MYRF: variants seen among roughly 807,000 people sequenced by gnomAD.
The protein encoded by MYRF is myelin regulatory factor.
A neutral mutation model predicts 126.3 loss-of-function variants in MYRF; 16 were observed. The ratio of observed to expected loss-of-function variants is 0.13; its 90% confidence interval spans 0.09 to 0.19. The LOEUF (loss-of-function observed/expected upper bound fraction) is 0.19, where lower values mean the gene tolerates loss of function less well. Ranked by LOEUF, MYRF falls within the 10% of genes least tolerant of loss-of-function variation. The pLI is 1.00. For missense variants in MYRF, 1,104 were observed against 1,547.0 expected (o/e 0.71, Z 4.80); for synonymous variants, 608 against 635.3 (o/e 0.96, Z 0.65).
At chr11:61,781,952 G>C in intron 22 of MYRF, 128 bp downstream of exon 22, 1 of 1,196,506 alleles carries the variant, frequency 8.4e-7, no homozygotes, top group Middle Eastern at 2.9e-4. Flanking sequence ...GCTGAGCACA[G>C]AATAAGGATC....
At position 61,778,852 on chromosome 11, in the gene MYRF, C is replaced by T. The variant is rs890643999; in HGVS notation, c.2013+363C>T. ...TTGTGAGGACGACGTTTGTCACTTA[C>T]CTGTCCTGAGTCTGGGCGCCAAGGA... On this transcript the variant is annotated intron_variant, in intron 14 of 26. Coordinates refer to ENST00000278836, the MANE Select transcript of MYRF (RefSeq NM_001127392.3). This position sits in a 1 kb window ranked among gnomAD's most constrained non-coding sequence, Gnocchi z 4.6. 3.7e-6 allele frequency: 2 copies of T among 547,260 alleles called. No homozygotes were observed. The highest frequency in any genetic ancestry group is 7.0e-6 in the Non-Finnish European group (2 of 286,214). The allele number at this position is 547,260 out of a possible 1,614,324, so 33.9% of individuals were successfully genotyped here. A position where few individuals can be genotyped will look rare whatever the true frequency, so the allele number is the denominator to read the frequency against.
Position 61,778,335 on chromosome 11 carries a change from C to A in MYRF, c.1904-45C>A. 7.5e-7 allele frequency: 1 copy of A among 1,336,266 alleles called. No individual in the cohort carries two copies. The highest frequency in any genetic ancestry group is 1.1e-6 in the Non-Finnish European group (1 of 927,578). The allele number at this position is 1,336,266 out of a possible 1,614,324, so 82.8% of individuals were successfully genotyped here. A position where few individuals can be genotyped will look rare whatever the true frequency, so the allele number is the denominator to read the frequency against. ...GTACATTACAAAGCTGTGAGTAGCC[C>A]TTTACCACCCCCCCACCCATCTTTG... is the stretch of plus-strand genomic sequence containing the variant. On this transcript the variant is annotated intron_variant, in intron 13 of 26. Coordinates refer to ENST00000278836, the MANE Select transcript of MYRF (RefSeq NM_001127392.3). This position sits in a 1 kb window ranked among gnomAD's most constrained non-coding sequence, Gnocchi z 4.6.
chr11:61,775,290 C>T (rs1184108783), intron 8 of MYRF, among the ~76,000 whole-genome samples: 1 of 152,182 alleles, frequency 6.6e-6, no homozygotes, highest in Non-Finnish European at 1.5e-5. Flanking sequence ...GGGCCCTGCC[C>T]TCCGCTCCAG....
At position 61,766,072 on chromosome 11, in the gene MYRF, C is replaced by T. The variant is rs2066052109; in HGVS notation, c.249C>T (p.Ser83=). The T allele has an allele frequency of 6.2e-7, 1 of 1,605,412 alleles. No homozygotes were observed. Among genetic ancestry groups the T allele is most frequent in the Admixed American group, 1.7e-5 (1 of 59,826 alleles). Reference sequence around the variant, plus strand: ...TGAGCCCCCCTGGGGGTGGACCCTCCCCGGGGCGCCATGGTCCCCTCCCAC... The same window carrying T: ...TGAGCCCCCCTGGGGGTGGACCCTCTCCGGGGCGCCATGGTCCCCTCCCAC... The part of the protein sequence containing the change: ...HHLSPPGGGP[S]PGRHGPLPPP... Residue 83 remains serine, a synonymous_variant, in exon 3 of 27, where the codon TCC becomes TCT. Coordinates refer to ENST00000278836, the MANE Select transcript of MYRF (RefSeq NM_001127392.3).
At chr11:61,752,836 C>G in intron 1 of MYRF, 46 bp downstream of exon 1, 1 of 1,469,518 alleles carries the variant, frequency 6.8e-7, no homozygotes, top group Non-Finnish European at 9.0e-7. Context: ...GCGCTGGGAA[C>G]CCCCGGCTGA....
At chr11:61,780,089 C>A in intron 17 of MYRF, 133 bp from the exon 18 acceptor site, 1 of 1,260,510 alleles carries the variant, frequency 7.9e-7, no homozygotes, top group Non-Finnish European at 1.1e-6. Flanking sequence ...TGCCTCTTCC[C>A]CTCTGGGGTG....
chr11:61,766,535 T>G, intron 3 of MYRF: 2 of 376,496 alleles, frequency 5.3e-6, no homozygotes, highest in Non-Finnish European at 4.8e-6. Flanking sequence ...TGTGACTGTT[T>G]ACCTTCATGG....
Position 61,783,856 on chromosome 11 carries a change from G to A in MYRF, c.3125G>A (p.Gly1042Glu). ...YCAPGDACRPGNFTYHIPVSS... is the reference protein window; with the variant it reads ...YCAPGDACRPENFTYHIPVSS... ...TGCCAGTTTTGCCCCTGCAGGCCTG[G>A]GAACTTCACCTACCACATCCCTGTC... The change falls in exon 24 of 27, where the codon GGG becomes GAG. Residue 1042 changes from glycine to glutamate, a missense_variant. By Grantham distance (98) the Gly-to-Glu change is moderately conservative. Transcript: ENST00000278836. The surrounding 1 kb of genome is among the most constrained non-coding windows in gnomAD (Gnocchi z 4.6). 6.2e-7 allele frequency: 1 copy of A among 1,606,384 alleles called. No individual in the cohort carries two copies. Among genetic ancestry groups the A allele is most frequent in the Non-Finnish European group, 8.5e-7 (1 of 1,176,244 alleles).
At chr11:61,765,591 G>T in intron 1 of MYRF, 34 bp from the exon 2 acceptor site, 2 of 1,576,144 alleles carry the variant, frequency 1.3e-6, no homozygotes, top group Non-Finnish European at 1.7e-6. Flanking sequence ...AGGGAGCTGG[G>T]CCTCTTCCCT....
rs1390757502 is a variant in MYRF at position 61,765,941 on chromosome 11, G to GC, written c.135-11dup. The GC allele has an allele frequency of 1.8e-5, 27 of 1,484,664 alleles. No homozygotes were observed. The highest frequency in any genetic ancestry group is 4.0e-5 in the South Asian group (3 of 74,302). 92.0% of individuals were successfully genotyped at this position (1,484,664 alleles called of 1,614,324 possible). On this transcript the variant is annotated splice_polypyrimidine_tract_variant and intron_variant, in intron 2 of 26. Transcript: ENST00000278836. ...CTGGGGTCCTGGCTGGAGCTGAGCC[G>GC]CCCCCCTTCCCCGCAGCTGCTTCCC...
chr11:61,776,939 C>T lies in MYRF; in HGVS notation c.1590+62C>T, dbSNP rs2066401929. 18 of 1,357,220 alleles carry T rather than the reference C, an allele frequency of 1.3e-5. No individual in the cohort carries two copies. The highest frequency in any genetic ancestry group is 1.8e-5 in the Non-Finnish European group (18 of 994,148). The allele number at this position is 1,357,220 out of a possible 1,614,324, so 84.1% of individuals were successfully genotyped here. On this transcript the variant is annotated intron_variant, in intron 11 of 26. Coordinates refer to ENST00000278836, the MANE Select transcript of MYRF (RefSeq NM_001127392.3). The surrounding 1 kb of genome is among the most constrained non-coding windows in gnomAD (Gnocchi z 4.3). Reference sequence around the variant, plus strand: ...CCCCAGGACTGGGAGAAACAGCAAGCAGAAGTACCCGGGTACTGAGAGTCA... The same window carrying T: ...CCCCAGGACTGGGAGAAACAGCAAGTAGAAGTACCCGGGTACTGAGAGTCA...
intron 1 of MYRF, among the ~76,000 whole-genome samples, chr11:61,758,747 G>A (rs1429592878): frequency 2.6e-5 from 4 of 152,176 alleles, no homozygotes; most frequent in Non-Finnish European, 4.4e-5. Flanking sequence ...TGCTGCTCTC[G>A]TCATCTGACT....
intron 17 of MYRF, 78 bp downstream of exon 17, chr11:61,780,008 C>G (rs1374498344): frequency 6.5e-6 from 9 of 1,374,698 alleles, no homozygotes; most frequent in Non-Finnish European, 8.2e-6. Context: ...CCCATGGGCT[C>G]AGGCCTGGGG....
chr11:61,774,823 C>T (rs2066332392), intron 8 of MYRF, among the ~76,000 whole-genome samples: 4 of 152,244 alleles, frequency 2.6e-5, no homozygotes, highest in South Asian at 4.1e-4. Flanking sequence ...CTCCCTCTCG[C>T]CCCGTTTCCT....
intron 16 of MYRF, 81 bp downstream of exon 16, chr11:61,779,651 C>A: frequency 7.6e-7 from 1 of 1,321,730 alleles, no homozygotes; most frequent in Non-Finnish European, 1.0e-6. Flanking sequence ...AGTTCTCCAG[C>A]CTCACTGCCT....
chr11:61,765,831 T>G, intron 2 of MYRF, 119 bp downstream of exon 2: 1 of 1,420,872 alleles, frequency 7.0e-7, no homozygotes. Flanking sequence ...CTCTGAAAGC[T>G]GCTCCTCGTC....
Position 61,778,079 on chromosome 11 carries a change from C to G in MYRF, c.1903+234C>G, listed in dbSNP as rs1178991703. On this transcript the variant is annotated intron_variant, in intron 13 of 26. Coordinates refer to ENST00000278836, the MANE Select transcript of MYRF (RefSeq NM_001127392.3). The surrounding 1 kb of genome is among the most constrained non-coding windows in gnomAD (Gnocchi z 4.6). The stretch of plus-strand genomic sequence containing the variant: ...ATCTGAGAATCACGGCCCAGGGACC[C>G]TCGCCCTTCGCGCTAGATGAATCCT... 6.6e-6 allele frequency among the ~76,000 whole-genome samples: 1 copy of G among 152,184 alleles called. No individual in the cohort carries two copies. The highest frequency in any genetic ancestry group is 6.5e-5 in the Admixed American group (1 of 15,288).
intron 1 of MYRF, among the ~76,000 whole-genome samples, chr11:61,753,065 C>T (rs1591065591): frequency 6.6e-6 from 1 of 152,228 alleles, no homozygotes; most frequent in Middle Eastern, 3.4e-3. Flanking sequence ...TTTGAGCCTT[C>T]CAGGACCCGG....
chr11:61,777,516 CG>C lies in MYRF; in HGVS notation c.1791+57del, dbSNP rs1278520809. 2 of 480,332 alleles carry C rather than the reference CG, an allele frequency of 4.2e-6. No homozygotes were observed. The highest frequency in any genetic ancestry group is 6.1e-6 in the Non-Finnish European group (2 of 330,478). 29.8% of individuals were successfully genotyped at this position (480,332 alleles called of 1,614,324 possible). On this transcript the variant is annotated intron_variant, in intron 12 of 26. Coordinates refer to ENST00000278836, the MANE Select transcript of MYRF (RefSeq NM_001127392.3). The surrounding 1 kb of genome is among the most constrained non-coding windows in gnomAD (Gnocchi z 8.8). ...CGGGTCCAGACGCTGGAGCGGGCCG[CG>C]GGGGCGGGGCTCCTGGGGAGGGGGC... is the stretch of plus-strand genomic sequence containing the variant.
Sources: gnomAD v4.1 joint callset for allele counts (sites outside exome capture counted in the v4.1 genomes callset) on GRCh38, gnomAD v4.1.1 for gene constraint, Gnocchi (gnomAD v3.1) non-coding constraint, MANE v1.5 for transcripts, NCBI Gene and HGNC (gene_info 2026-07-23, HGNC 2026-07-21) for gene names.